VPS9D1: variants seen among roughly 807,000 people sequenced by gnomAD.
VPS9D1 encodes the protein VPS9 domain-containing protein 1.
In VPS9D1, 78 loss-of-function variants were observed where a neutral mutation model predicts 75.8. The ratio of observed to expected loss-of-function variants is 1.03; its 90% CI spans 0.86 to 1.24. The LOEUF (loss-of-function observed/expected upper bound fraction) is 1.24, where lower values mean the gene tolerates loss of function less well. VPS9D1 is among the 50% of genes most tolerant of loss of function. VPS9D1 has a pLI of 0.00. For synonymous variants in VPS9D1, 481 were observed against 385.6 expected, an observed-to-expected ratio of 1.25 and a Z score of -2.90; for missense variants, 1,057 against 847.7, an observed-to-expected ratio of 1.25 and a Z score of -3.07.
Position 89,720,644 on chromosome 16 carries a change from C to A in VPS9D1, c.99+119G>T, listed in dbSNP as rs1023615610. ...CGCCCGGGAACCGCGGCCCGGGATCCCGGCTGGCGCCCGCTCCCAAGTCTC... is the reference window on the plus strand; with the variant it reads ...CGCCCGGGAACCGCGGCCCGGGATCACGGCTGGCGCCCGCTCCCAAGTCTC... On this transcript the variant is annotated intron_variant, in intron 1 of 14. Coordinates refer to ENST00000389386, the MANE Select transcript of VPS9D1 (RefSeq NM_004913.3). 2.6e-4 allele frequency: 324 copies of A among 1,230,186 alleles called. 1 individual carries two copies. Among genetic ancestry groups the A allele is most frequent in the Admixed American group, 1.1e-3 (24 of 22,452 alleles). The allele number at this position is 1,230,186 out of a possible 1,614,324, so 76.2% of individuals were successfully genotyped here.
Position 89,716,642 on chromosome 16 carries a change from C to T in VPS9D1, c.269-18G>A, listed in dbSNP as rs575625571. ...TGTTTTCCCTGCAAGCCATGGGTAA[C>T]CAGGGGTCAAGCGGTGGGCCACATC... is the stretch of plus-strand genomic sequence containing the variant. On this transcript the variant is annotated intron_variant, in intron 3 of 14. Transcript: ENST00000389386. 2.5e-6 allele frequency: 4 copies of T among 1,610,440 alleles called. No homozygotes were observed. Among genetic ancestry groups the T allele is most frequent in the Non-Finnish European group, 3.4e-6 (4 of 1,177,310 alleles).
rs535863004 is a variant in VPS9D1, at chr16:89,712,222, G to A, written c.607-123C>T. The stretch of plus-strand genomic sequence containing the variant: ...TCCTCTCGGTGAGGGGCTGTCCCCA[G>A]GTAAGGCTTCTGGGGCAGAAGGCAG... On this transcript the variant is annotated intron_variant, in intron 6 of 14. Coordinates refer to ENST00000389386, the MANE Select transcript of VPS9D1 (RefSeq NM_004913.3). The A allele has an allele frequency of 1.9e-5, 27 of 1,445,730 alleles. No homozygotes were observed. The South Asian group carries it at 2.5e-4, about 13-fold the overall frequency. The allele number at this position is 1,445,730 out of a possible 1,614,324, so 89.6% of individuals were successfully genotyped here. A position where few individuals can be genotyped will look rare whatever the true frequency, so the allele number is the denominator to read the frequency against.
chr16:89,717,082 C>G (rs1310820067), intron 2 of VPS9D1, among the ~76,000 whole-genome samples: 2 of 110,578 alleles, frequency 1.8e-5, no homozygotes, highest in Non-Finnish European at 3.8e-5. Context: ...ACTGCCCCCC[C>G]ATCCCCTCAC....
rs141647344 is a variant in VPS9D1 at position 89,710,179 on chromosome 16, G to A, written c.1259-273C>T. On this transcript the variant is annotated intron_variant, in intron 10 of 14. Transcript: ENST00000389386. ...GCTTTACCCAAAACTGCAGGAACCAGGGAAGACTTTAGATCCAACCCCCTG... is the reference window on the plus strand; with the variant it reads ...GCTTTACCCAAAACTGCAGGAACCAAGGAAGACTTTAGATCCAACCCCCTG... Among the ~76,000 whole-genome samples the A allele has an allele frequency of 7.6e-3, 1,152 of 152,320 alleles. 13 individuals carry two copies. The highest frequency in any genetic ancestry group is 0.027 in the African/African-American group (1,106 of 41,574).
intron 9 of VPS9D1, 40 bp downstream of exon 9, chr16:89,711,287 C>T (rs1348162540): frequency 8.3e-6 from 13 of 1,567,798 alleles, no homozygotes; most frequent in Non-Finnish European, 1.1e-5. Context: ...TGCCCAAGGC[C>T]GGTGCGCAGG....
rs940782040 is a variant in VPS9D1 at position 89,711,746 on chromosome 16, C to T, written c.747+136G>A. On this transcript the variant is annotated intron_variant, in intron 8 of 14. Coordinates refer to ENST00000389386, the MANE Select transcript of VPS9D1 (RefSeq NM_004913.3). ...CCCGCCCCCTCACCGGGCCCTCCCA[C>T]GGGCCTCTGGCCCCGCCCCCTCACT... 118 of 1,103,832 alleles carry T rather than the reference C, an allele frequency of 1.1e-4. 1 individual carries two copies. The highest frequency in any genetic ancestry group is 3.1e-4 in the Middle Eastern group (1 of 3,254). 68.4% of individuals were successfully genotyped at this position (1,103,832 alleles called of 1,614,324 possible).
At position 89,720,884 on chromosome 16, in the gene VPS9D1, G is replaced by A. The variant is rs1271568387; in HGVS notation, c.-23C>T. 3 of 1,339,696 alleles carry A rather than the reference G, an allele frequency of 2.2e-6. No individual in the cohort carries two copies. Among genetic ancestry groups the A allele is most frequent in the African/African-American group, 1.5e-5 (1 of 65,414 alleles). 83.0% of individuals were successfully genotyped at this position (1,339,696 alleles called of 1,614,324 possible). A position where few individuals can be genotyped will look rare whatever the true frequency, so the allele number is the denominator to read the frequency against. ...CATGGCGCCGAGCGGGGGAGGCGGCGGCGGTAGCCGAGGGGCTGGACGGGC... is the reference window on the plus strand; with the variant it reads ...CATGGCGCCGAGCGGGGGAGGCGGCAGCGGTAGCCGAGGGGCTGGACGGGC... On this transcript the variant is annotated 5_prime_UTR_variant, in exon 1 of 15. Coordinates refer to ENST00000389386, the MANE Select transcript of VPS9D1 (RefSeq NM_004913.3).
intron 2 of VPS9D1, chr16:89,717,795 G>T: frequency 2.2e-6 from 1 of 456,630 alleles, no homozygotes; most frequent in South Asian, 1.5e-5. Flanking sequence ...GAGCTCACCG[G>T]CTCCCTAGGG....
intron 1 of VPS9D1, chr16:89,719,419 T>C: frequency 2.0e-6 from 1 of 494,360 alleles, no homozygotes. Context: ...ATATTCTCAT[T>C]CAGTGGGCCT....
chr16:89,718,329 C>G (rs1455167224), intron 2 of VPS9D1, among the ~76,000 whole-genome samples: 1 of 152,170 alleles, frequency 6.6e-6, no homozygotes, highest in East Asian at 1.9e-4. Flanking sequence ...AGGCTGTCCT[C>G]TCCCTCAAAG....
chr16:89,713,747 G>A (rs945096050), intron 4 of VPS9D1, among the ~76,000 whole-genome samples: 5 of 151,470 alleles, frequency 3.3e-5, no homozygotes, highest in South Asian at 4.2e-4. Flanking sequence ...GGTGGCTCAC[G>A]CCTGTAATCC....
chr16:89,710,328 G>A (rs915776867), intron 10 of VPS9D1, among the ~76,000 whole-genome samples: 6 of 152,146 alleles, frequency 3.9e-5, no homozygotes, highest in Admixed American at 3.3e-4. Context: ...GCTCATGCTT[G>A]TAATCCCAGC....
chr16:89,718,868 C>G (rs1309177535), intron 2 of VPS9D1, among the ~76,000 whole-genome samples, 159 bp downstream of exon 2: 1 of 152,146 alleles, frequency 6.6e-6, no homozygotes, highest in African/African-American at 2.4e-5. Flanking sequence ...CACCCGCCAC[C>G]AGGCCCAGCT....
chr16:89,707,663 A>G lies in VPS9D1; in HGVS notation c.*198T>C. 1 of 571,970 alleles carries G rather than the reference A, an allele frequency of 1.7e-6. No homozygotes were observed. The highest frequency in any genetic ancestry group is 3.1e-6 in the Non-Finnish European group (1 of 320,746). 35.4% of individuals were successfully genotyped at this position (571,970 alleles called of 1,614,324 possible). On this transcript the variant is annotated 3_prime_UTR_variant, in exon 15 of 15. Coordinates refer to ENST00000389386, the MANE Select transcript of VPS9D1 (RefSeq NM_004913.3). ...CCATTCTGTCGGGGCAGAGGTGCCA[A>G]CCCCAAGCTCCAGGGTCAGATGTGA...
chr16:89,711,002 T>C lies in VPS9D1; in HGVS notation c.842A>G (p.Asp281Gly). 7.0e-7 allele frequency: 1 copy of C among 1,437,942 alleles called. No individual in the cohort carries two copies. The highest frequency in any genetic ancestry group is 9.1e-7 in the Non-Finnish European group (1 of 1,100,958). The allele number at this position is 1,437,942 out of a possible 1,614,324, so 89.1% of individuals were successfully genotyped here. A position where few individuals can be genotyped will look rare whatever the true frequency, so the allele number is the denominator to read the frequency against. Residue 281 changes from aspartate (D) to glycine (G), a missense_variant, in exon 10 of 15, where the codon GAC becomes GGC. Coordinates refer to ENST00000389386, the MANE Select transcript of VPS9D1 (RefSeq NM_004913.3). ...SLVSHLLSLP[D>G]HPIAQLLRRL... ...CCTCAGGAGCTGCGCGATCGGGTGG[T>C]CGGGGAGGCTGCGGGAGAAGAGGAC...
At position 89,707,437 on chromosome 16, in the gene VPS9D1, T is replaced by G; in HGVS notation, c.*424A>C. 6.1e-6 allele frequency: 1 copy of G among 163,262 alleles called. No individual in the cohort carries two copies. The allele number at this position is 163,262 out of a possible 1,614,324, so 10.1% of individuals were successfully genotyped here. A position where few individuals can be genotyped will look rare whatever the true frequency, so the allele number is the denominator to read the frequency against. On this transcript the variant is annotated 3_prime_UTR_variant, in exon 15 of 15. Transcript: ENST00000389386. Reference sequence around the variant, plus strand: ...GGGGCTACAACTCCCCTTCTAGGGGTCAGAGGGGAGAGAAACTGGACTGCC... The same window carrying G: ...GGGGCTACAACTCCCCTTCTAGGGGGCAGAGGGGAGAGAAACTGGACTGCC...
At chr16:89,715,955 G>A (rs2061055901) in intron 4 of VPS9D1, among the ~76,000 whole-genome samples, 2 of 152,050 alleles carry the variant, frequency 1.3e-5, no homozygotes, top group South Asian at 4.1e-4. Context: ...GGGATTACAG[G>A]CGTGAGCCAC....
intron 4 of VPS9D1, among the ~76,000 whole-genome samples, chr16:89,715,521 C>CAGCCCACTCCTGTTACTTTT (rs2061043013): frequency 6.6e-6 from 1 of 151,224 alleles, no homozygotes; most frequent in South Asian, 2.1e-4. Context: ...CCACCGCGCC[C>CAGCCCACTCCTGTTACTTTT]GGTCATTTTT....
chr16:89,718,083 C>G (rs1047626994), intron 2 of VPS9D1: 11 of 454,880 alleles, frequency 2.4e-5, no homozygotes, highest in Admixed American at 9.4e-5. Context: ...TGCTCTATGT[C>G]CAGTGGCTCC....
Sources: gnomAD v4.1 joint callset for allele counts (sites outside exome capture counted in the v4.1 genomes callset) on GRCh38, gnomAD v4.1.1 for gene constraint, MANE v1.5 for transcripts, NCBI Gene and HGNC (gene_info 2026-07-23, HGNC 2026-07-21) for gene names.